The following PPP3R1 variants were observed in gnomAD, a reference collection of about 807,000 sequenced individuals.
PPP3R1 encodes the protein protein phosphatase 3 regulatory subunit B, alpha, also known as calcineurin subunit B type 1.
Under a neutral mutation model 22.6 loss-of-function variants are expected in PPP3R1, and 5 were observed. The observed-to-expected ratio is 0.22, with a 90% CI of 0.12 to 0.46. PPP3R1 has a LOEUF of 0.46. PPP3R1 is among the 20% of genes least tolerant of loss of function. The pLI is 0.99. For synonymous variants in PPP3R1, 56 were observed against 65.2 expected (o/e 0.86, Z 0.68); for missense variants, 61 against 203.2 (o/e 0.30, Z 4.25).
intron 5 of PPP3R1, among the ~76,000 whole-genome samples, chr2:68,183,799 G>A (rs1000779876): frequency 1.3e-5 from 2 of 152,130 alleles, no homozygotes; most frequent in African/African-American, 4.8e-5. Context: ...TTCCTTCAGT[G>A]TTTGGTGAGA....
intron 2 of PPP3R1, among the ~76,000 whole-genome samples, chr2:68,198,262 CATACATATGT>C (rs1674851544): frequency 2.8e-5 from 4 of 144,424 alleles, no homozygotes; most frequent in Non-Finnish European, 1.5e-5. Context: ...CATATGTATA[CATACATATGT>C]GTATGCATGT....
chr2:68,204,383 A>C (rs1675065088), intron 2 of PPP3R1, among the ~76,000 whole-genome samples: 1 of 66,558 alleles, frequency 1.5e-5, no homozygotes, highest in Non-Finnish European at 2.8e-5. Flanking sequence ...CCTATGTCTT[A>C]GACAAATCTA....
At chr2:68,249,439 A>G (rs1283084078) in intron 1 of PPP3R1, among the ~76,000 whole-genome samples, 2 of 152,204 alleles carry the variant, frequency 1.3e-5, no homozygotes, top group African/African-American at 4.8e-5. Flanking sequence ...AAAAATTTAA[A>G]AGTTTAAAAG....
At chr2:68,216,845 T>G (rs557541549) in intron 2 of PPP3R1, among the ~76,000 whole-genome samples, 1 of 152,302 alleles carries the variant, frequency 6.6e-6, no homozygotes, top group African/African-American at 2.4e-5. Context: ...AGGGTTTAAT[T>G]ATAACTATAG....
intron 1 of PPP3R1, among the ~76,000 whole-genome samples, chr2:68,229,039 T>C (rs1313860230): frequency 1.3e-5 from 2 of 152,164 alleles, no homozygotes; most frequent in Non-Finnish European, 2.9e-5. Context: ...GGGGGTTTTC[T>C]GAGACAGGGT....
chr2:68,252,472 C>G lies in PPP3R1; in HGVS notation c.-345G>C, dbSNP rs1274675158. On this transcript the variant is annotated 5_prime_UTR_variant, in exon 1 of 6. Transcript: ENST00000234310. ...AACTCGGGGGCTGCAGCCTCGCGCT[C>G]GCGCCGGAGCCGTGACGGACTCACT... 15 of 986,926 alleles carry G rather than the reference C, an allele frequency of 1.5e-5. No individual in the cohort carries two copies. The highest frequency in any genetic ancestry group is 1.7e-5 in the Non-Finnish European group (14 of 832,070). The allele number at this position is 986,926 out of a possible 1,614,324, so 61.1% of individuals were successfully genotyped here.
At chr2:68,197,710 T>C (rs561360738) in intron 2 of PPP3R1, among the ~76,000 whole-genome samples, 1 of 152,158 alleles carries the variant, frequency 6.6e-6, no homozygotes, top group Non-Finnish European at 1.5e-5. Flanking sequence ...AAATTCTCTA[T>C]ATACTGATCC....
At chr2:68,211,905 T>C (rs1669494351) in intron 2 of PPP3R1, among the ~76,000 whole-genome samples, 1 of 152,178 alleles carries the variant, frequency 6.6e-6, no homozygotes, top group African/African-American at 2.4e-5. Context: ...TCTAGTTCTT[T>C]TGCTCCTTCT....
At chr2:68,215,877 G>C (rs1669569122) in intron 2 of PPP3R1, among the ~76,000 whole-genome samples, 1 of 152,138 alleles carries the variant, frequency 6.6e-6, no homozygotes, top group Non-Finnish European at 1.5e-5. Flanking sequence ...TATATGAACA[G>C]TGTAAACAAG....
At chr2:68,189,864 A>G (rs1486460456) in intron 2 of PPP3R1, among the ~76,000 whole-genome samples, 1 of 152,072 alleles carries the variant, frequency 6.6e-6, no homozygotes, top group Non-Finnish European at 1.5e-5. Flanking sequence ...GTGAGACTCC[A>G]TCTCAAAAAA....
intron 1 of PPP3R1, among the ~76,000 whole-genome samples, chr2:68,241,866 T>C (rs986818501): frequency 1.3e-5 from 2 of 150,168 alleles, no homozygotes; most frequent in African/African-American, 4.9e-5. Context: ...AAAAAAAGAT[T>C]ACTACCAATG....
At chr2:68,227,101 T>G (rs530007616) in intron 1 of PPP3R1, among the ~76,000 whole-genome samples, 10 of 152,090 alleles carry the variant, frequency 6.6e-5, no homozygotes, top group Non-Finnish European at 1.3e-4. Context: ...CTTTACAGAA[T>G]GCATCTATAA....
At chr2:68,187,767 C>A (rs1674578108) in intron 3 of PPP3R1, among the ~76,000 whole-genome samples, 1 of 152,084 alleles carries the variant, frequency 6.6e-6, no homozygotes, top group South Asian at 2.1e-4. Context: ...CTGATAAGCA[C>A]TAAATCATAA....
chr2:68,229,795 T>C (rs1465136364), intron 1 of PPP3R1, among the ~76,000 whole-genome samples: 10 of 152,094 alleles, frequency 6.6e-5, no homozygotes, highest in Admixed American at 6.5e-4. Context: ...TTAAAGTAAA[T>C]TTCTTACAGA....
In PPP3R1 at chr2:68,252,274, C is replaced by A; in HGVS notation, c.-147G>T. On this transcript the variant is annotated 5_prime_UTR_variant, in exon 1 of 6. Transcript: ENST00000234310. ...GGCGCGCGTGGGGGAGGGGAGGCGG[C>A]GCCGCGGGGCCCGCGCCGGCCGGGC... 7.7e-6 allele frequency: 8 copies of A among 1,043,518 alleles called. No homozygotes were observed. Among genetic ancestry groups the A allele is most frequent in the Non-Finnish European group, 9.2e-6 (8 of 869,392 alleles). The allele number at this position is 1,043,518 out of a possible 1,614,324, so 64.6% of individuals were successfully genotyped here.
chr2:68,247,795 T>A (rs935107263), intron 1 of PPP3R1, among the ~76,000 whole-genome samples: 1 of 152,244 alleles, frequency 6.6e-6, no homozygotes, highest in East Asian at 1.9e-4. Flanking sequence ...TTCTTTCTTC[T>A]ACCGCCTAAA....
At chr2:68,234,839 G>A (rs1480074779) in intron 1 of PPP3R1, among the ~76,000 whole-genome samples, 1 of 152,080 alleles carries the variant, frequency 6.6e-6, no homozygotes, top group Non-Finnish European at 1.5e-5. Context: ...AATTGAGAAA[G>A]TAATCTCAAA....
In PPP3R1 at chr2:68,216,112, T is replaced by C. The variant is rs1001198081; in HGVS notation, c.43+980A>G. On this transcript the variant is annotated intron_variant, in intron 2 of 5. Transcript: ENST00000234310. ...AAGGGATGGCAAAATGAACATGCCC[T>C]TTATACAACGTCCCATTAACGGGTA... Among the ~76,000 whole-genome samples, 4 of 152,226 alleles carry C rather than the reference T, an allele frequency of 2.6e-5. No individual in the cohort carries two copies. The East Asian group carries it at 7.7e-4, about 29-fold the overall frequency.
At chr2:68,242,017 T>A (rs914834424) in intron 1 of PPP3R1, among the ~76,000 whole-genome samples, 1 of 152,204 alleles carries the variant, frequency 6.6e-6, no homozygotes, top group Non-Finnish European at 1.5e-5. Context: ...CTCGTAGATA[T>A]TGTGAATGAA....
Sources: allele counts gnomAD v4.1 joint callset (sites outside exome capture counted in the v4.1 genomes callset), GRCh38; gene constraint gnomAD v4.1.1; transcripts MANE v1.5; gene names NCBI Gene and HGNC (gene_info 2026-07-23, HGNC 2026-07-21).